The following RNF19A variants were observed in gnomAD, a reference collection of about 807,000 sequenced individuals.
RNF19A encodes E3 ubiquitin-protein ligase RNF19A.
A neutral mutation model predicts 75.7 loss-of-function variants in RNF19A; 32 were observed. The ratio of observed to expected loss-of-function variants is 0.42; its 90% CI spans 0.32 to 0.57. The LOEUF (loss-of-function observed/expected upper bound fraction) is 0.57. Ranked by LOEUF, RNF19A falls within the 20% of genes least tolerant of loss-of-function variation. The pLI, the probability that RNF19A is intolerant of heterozygous loss-of-function variation, is 0.10. For synonymous variants in RNF19A, 335 were observed against 345.2 expected, an observed-to-expected ratio of 0.97 and a Z score of 0.33; for missense variants, 782 against 1,036.3, an observed-to-expected ratio of 0.75 and a Z score of 3.37.
At chr8:100,283,094 C>T (rs1221543169) in intron 2 of RNF19A, among the ~76,000 whole-genome samples, 2 of 152,178 alleles carry the variant, frequency 1.3e-5, no homozygotes, top group African/African-American at 2.4e-5. Flanking sequence ...TTGGGAGGCT[C>T]AGAGACAATA....
upstream of RNF19A, among the ~76,000 whole-genome samples, chr8:100,312,595 A>T (rs1586694431): frequency 6.7e-6 from 1 of 149,892 alleles, no homozygotes; most frequent in Non-Finnish European, 1.5e-5. Flanking sequence ...CTGTCTCAAG[A>T]AAGAATGAAA....
Position 100,258,427 on chromosome 8 carries a change from A to G in RNF19A, c.*129T>C, listed in dbSNP as rs1042893297. The G allele has an allele frequency of 1.4e-6, 1 of 718,264 alleles. No homozygotes were observed. The highest frequency in any genetic ancestry group is 1.8e-5 in the African/African-American group (1 of 56,286). 44.5% of individuals were successfully genotyped at this position (718,264 alleles called of 1,614,324 possible). A position where few individuals can be genotyped will look rare whatever the true frequency, so the allele number is the denominator to read the frequency against. On this transcript the variant is annotated 3_prime_UTR_variant, in exon 10 of 10. Coordinates refer to ENST00000341084, the MANE Select transcript of RNF19A (RefSeq NM_183419.4). The surrounding 1 kb of genome is among the most constrained non-coding windows in gnomAD (Gnocchi z 4.3). ...ACACACAATGCCTTGCTGAACACAG[A>G]AAATGTATCTGCATTATGATAATGA... is the stretch of plus-strand genomic sequence containing the variant.
At chr8:100,312,727 C>T (rs1232405201), upstream of RNF19A, among the ~76,000 whole-genome samples, 1 of 152,040 alleles carries the variant, frequency 6.6e-6, no homozygotes, top group African/African-American at 2.4e-5. Context: ...AGTTTGATAC[C>T]AGCCGGGACA....
In RNF19A at chr8:100,275,884, A is replaced by T. The variant is rs1344452961; in HGVS notation, c.675-723T>A. Among the ~76,000 whole-genome samples the T allele has an allele frequency of 6.6e-6, 1 of 152,188 alleles. No homozygotes were observed. The highest frequency in any genetic ancestry group is 1.5e-5 in the Non-Finnish European group (1 of 68,024). ...TTTATAAATTTTGTGATAATTTTGTATGTATGCAGAAGTCACACATTTTTC... is the reference window on the plus strand; with the variant it reads ...TTTATAAATTTTGTGATAATTTTGTTTGTATGCAGAAGTCACACATTTTTC... On this transcript the variant is annotated intron_variant, in intron 2 of 9. Coordinates refer to ENST00000341084, the MANE Select transcript of RNF19A (RefSeq NM_183419.4). This position sits in a 1 kb window ranked among gnomAD's most constrained non-coding sequence, Gnocchi z 4.3.
rs1195461158 is a variant in RNF19A at position 100,282,265 on chromosome 8, G to T, written c.674+5236C>A. Among the ~76,000 whole-genome samples, 5 of 152,164 alleles carry T rather than the reference G, an allele frequency of 3.3e-5. No individual in the cohort carries two copies. In the East Asian group the frequency reaches 9.6e-4, roughly 29 times the overall value. ...CATTAAAACACCACCAAAAATCTTA[G>T]TATCAACTAACAATGTTTGGTATAG... On this transcript the variant is annotated intron_variant, in intron 2 of 9. Coordinates refer to ENST00000341084, the MANE Select transcript of RNF19A (RefSeq NM_183419.4).
At position 100,309,311 on chromosome 8, in the gene RNF19A, C is replaced by T. The variant is rs185221533; in HGVS notation, c.-94+556G>A. 94 of 985,642 alleles carry T rather than the reference C, an allele frequency of 9.5e-5. No homozygotes were observed. The Admixed American group carries it at 4.2e-3, about 44-fold the overall frequency. 61.1% of individuals were successfully genotyped at this position (985,642 alleles called of 1,614,324 possible). On this transcript the variant is annotated intron_variant, in intron 1 of 9. Transcript: ENST00000341084. ...TCCCGGACTAACCTTCCTCCGAACA[C>T]AGCTCCCCTCCCTAAGGCCCCAGGC...
At chr8:100,308,123 A>G (rs1563868592) in intron 1 of RNF19A, among the ~76,000 whole-genome samples, 1 of 152,184 alleles carries the variant, frequency 6.6e-6, no homozygotes, top group Non-Finnish European at 1.5e-5. Flanking sequence ...TTAAAAATTA[A>G]TCTTACTGGA....
At position 100,325,200 on chromosome 8, in the gene RNF19A, G is replaced by A. The variant is rs900637446; in HGVS notation, c.-243+10908C>T. Among the ~76,000 whole-genome samples the A allele has an allele frequency of 4.4e-4, 67 of 152,248 alleles. No homozygotes were observed. The highest frequency in any genetic ancestry group is 1.5e-3 in the African/African-American group (63 of 41,540). ...TGGGATTATAGGCATGAGCCACTGC[G>A]CCCAGCTTAAAAGCATCGATTTTTA... On this transcript the variant is annotated intron_variant, in intron 1 of 3. Coordinates refer to the RNF19A transcript ENST00000519527. This position sits in a 1 kb window ranked among gnomAD's most constrained non-coding sequence, Gnocchi z 4.3.
rs769211915 is a variant in RNF19A, at chr8:100,257,638, T to C, written c.*918A>G. ...TTTTCAGCATTATTAATCACATTCATGTTTATCTATTTCCTGTATTTTTAT... is the reference window on the plus strand; with the variant it reads ...TTTTCAGCATTATTAATCACATTCACGTTTATCTATTTCCTGTATTTTTAT... On this transcript the variant is annotated 3_prime_UTR_variant, in exon 10 of 10. Transcript: ENST00000341084. 1.1e-5 allele frequency: 2 copies of C among 177,746 alleles called. No individual in the cohort carries two copies. Among genetic ancestry groups the C allele is most frequent in the Non-Finnish European group, 2.3e-5 (2 of 85,204 alleles). The allele number at this position is 177,746 out of a possible 1,614,324, so 11.0% of individuals were successfully genotyped here. A position where few individuals can be genotyped will look rare whatever the true frequency, so the allele number is the denominator to read the frequency against.
chr8:100,298,658 G>C (rs1035330598), intron 1 of RNF19A, among the ~76,000 whole-genome samples: 1 of 152,048 alleles, frequency 6.6e-6, no homozygotes, highest in Non-Finnish European at 1.5e-5. Flanking sequence ...TCACAAACAC[G>C]CACCTGCCAC....
intron 1 of RNF19A, chr8:100,309,322 C>A (rs1255586369): frequency 1.0e-6 from 1 of 985,638 alleles, no homozygotes; most frequent in Non-Finnish European, 1.2e-6. Flanking sequence ...AGCTCCCCTC[C>A]CTAAGGCCCC....
At position 100,264,239 on chromosome 8, in the gene RNF19A, A is replaced by G; in HGVS notation, c.1307-44T>C. 1 of 1,495,494 alleles carries G rather than the reference A, an allele frequency of 6.7e-7. No individual in the cohort carries two copies. Among genetic ancestry groups the G allele is most frequent in the Non-Finnish European group, 9.2e-7 (1 of 1,092,038 alleles). 92.6% of individuals were successfully genotyped at this position (1,495,494 alleles called of 1,614,324 possible). A position where few individuals can be genotyped will look rare whatever the true frequency, so the allele number is the denominator to read the frequency against. On this transcript the variant is annotated intron_variant, in intron 6 of 9. Transcript: ENST00000341084. This position sits in a 1 kb window ranked among gnomAD's most constrained non-coding sequence, Gnocchi z 4.7. Reference sequence around the variant, plus strand: ...AGTCATTACAAACAACAACAACAAAATAACTCACAGAAACATGAGTTTTAG... The same window carrying G: ...AGTCATTACAAACAACAACAACAAAGTAACTCACAGAAACATGAGTTTTAG...
At chr8:100,318,821 T>C (rs1232015746) in intron 1 of RNF19A, among the ~76,000 whole-genome samples, 1 of 152,202 alleles carries the variant, frequency 6.6e-6, no homozygotes, top group African/African-American at 2.4e-5. Flanking sequence ...CAGAGTGAAA[T>C]CCTGTGCTGT....
At chr8:100,304,502 A>G (rs1347094315) in intron 1 of RNF19A, among the ~76,000 whole-genome samples, 1 of 152,046 alleles carries the variant, frequency 6.6e-6, no homozygotes, top group East Asian at 1.9e-4. Context: ...ACCCCCACTT[A>G]CGCACTCACA....
At chr8:100,281,874 T>A (rs977315361) in intron 2 of RNF19A, among the ~76,000 whole-genome samples, 2 of 152,200 alleles carry the variant, frequency 1.3e-5, no homozygotes, top group African/African-American at 4.8e-5. Context: ...TACTTTAACA[T>A]TTTGATTATT....
In RNF19A at chr8:100,275,865, A is replaced by C. The variant is rs1472896483; in HGVS notation, c.675-704T>G. 6.6e-6 allele frequency among the ~76,000 whole-genome samples: 1 copy of C among 152,180 alleles called. No homozygotes were observed. The highest frequency in any genetic ancestry group is 1.5e-5 in the Non-Finnish European group (1 of 68,034). On this transcript the variant is annotated intron_variant, in intron 2 of 9. Transcript: ENST00000341084. The surrounding 1 kb of genome is among the most constrained non-coding windows in gnomAD (Gnocchi z 4.3). ...TAATGGCATACTGTGCCAATTTATAAATTTTGTGATAATTTTGTATGTATG... is the reference window on the plus strand; with the variant it reads ...TAATGGCATACTGTGCCAATTTATACATTTTGTGATAATTTTGTATGTATG...
intron 1 of RNF19A, among the ~76,000 whole-genome samples, chr8:100,334,262 C>T (rs1009241967): frequency 1.3e-5 from 2 of 152,202 alleles, no homozygotes; most frequent in East Asian, 1.9e-4. Context: ...CTAATTTTGA[C>T]TTTTCAACTA....
intron 1 of RNF19A, among the ~76,000 whole-genome samples, chr8:100,294,505 A>G (rs1821456719): frequency 6.6e-6 from 1 of 152,136 alleles, no homozygotes; most frequent in Non-Finnish European, 1.5e-5. Flanking sequence ...AAGGGAGTTT[A>G]CCCACAGATT....
chr8:100,261,774 A>G lies in RNF19A; in HGVS notation c.1469-19T>C. On this transcript the variant is annotated intron_variant, in intron 7 of 9. Coordinates refer to ENST00000341084, the MANE Select transcript of RNF19A (RefSeq NM_183419.4). The surrounding 1 kb of genome is among the most constrained non-coding windows in gnomAD (Gnocchi z 4.4). The stretch of plus-strand genomic sequence containing the variant: ...GTTGTGTCTAAATGCAAATATTCCA[A>G]AGAAACTAAGTAAGTATGATTATCA... 2 of 1,606,552 alleles carry G rather than the reference A, an allele frequency of 1.2e-6. No individual in the cohort carries two copies. The highest frequency in any genetic ancestry group is 1.1e-5 in the South Asian group (1 of 90,940).
Sources: allele counts gnomAD v4.1 joint callset (sites outside exome capture counted in the v4.1 genomes callset), GRCh38; gene constraint gnomAD v4.1.1; non-coding constraint Gnocchi (gnomAD v3.1); transcripts MANE v1.5; gene names NCBI Gene and HGNC (gene_info 2026-07-23, HGNC 2026-07-21).